The following MGAT5 variants were observed in gnomAD, a reference collection of about 807,000 sequenced individuals.
MGAT5 encodes alpha-1,6-mannosylglycoprotein 6-beta-N-acetylglucosaminyltransferase, also known as alpha-1,6-mannosylglycoprotein 6-beta-N-acetylglucosaminyltransferase A.
A neutral mutation model predicts 94.3 loss-of-function variants in MGAT5; 30 were observed. That is an observed-to-expected ratio of 0.32 (90% CI 0.24 to 0.43). The LOEUF (loss-of-function observed/expected upper bound fraction) is 0.43, where lower values mean the gene tolerates loss of function less well. MGAT5 is among the 20% of genes least tolerant of loss of function. The probability of loss-of-function intolerance (pLI) is 1.00; values close to 1 mark genes in which losing one functional copy is unlikely to be tolerated. For synonymous variants in MGAT5, 310 were observed against 322.9 expected (o/e 0.96, Z 0.43); for missense variants, 691 against 905.5 (o/e 0.76, Z 3.04).
chr2:134,382,322 A>C (rs150037657), intron 10 of MGAT5, among the ~76,000 whole-genome samples: 2 of 152,022 alleles, frequency 1.3e-5, no homozygotes, highest in Non-Finnish European at 1.5e-5. Context: ...TGACATTGTG[A>C]TAGAAGCTCC....
At chr2:134,287,308 C>T (rs1685071091) in intron 2 of MGAT5, among the ~76,000 whole-genome samples, 1 of 152,162 alleles carries the variant, frequency 6.6e-6, no homozygotes, top group Non-Finnish European at 1.5e-5. Flanking sequence ...CCTATTCTTG[C>T]TCTGATTTCA....
At chr2:134,388,461 C>T (rs1682171888) in intron 10 of MGAT5, among the ~76,000 whole-genome samples, 1 of 151,722 alleles carries the variant, frequency 6.6e-6, no homozygotes, top group African/African-American at 2.4e-5. Flanking sequence ...ACTGCTATTA[C>T]ACCTGAAAAT....
intron 10 of MGAT5, among the ~76,000 whole-genome samples, chr2:134,400,977 G>T (rs1683016089): frequency 6.6e-6 from 1 of 152,018 alleles, no homozygotes. Context: ...AACCACTGTG[G>T]GTGGGATAAG....
intron 9 of MGAT5, 142 bp from the exon 10 acceptor site, chr2:134,362,133 C>A: frequency 1.1e-6 from 1 of 940,600 alleles, no homozygotes; most frequent in Non-Finnish European, 1.6e-6. Flanking sequence ...GACAATCCCT[C>A]ACCTCCCTCA....
chr2:134,231,696 C>T (rs1210849988), intron 1 of MGAT5, among the ~76,000 whole-genome samples: 1 of 152,224 alleles, frequency 6.6e-6, no homozygotes, highest in African/African-American at 2.4e-5. Flanking sequence ...CCCTCTAGAA[C>T]CTGTGGGGAG....
chr2:134,367,614 GCT>G (rs754508926), intron 10 of MGAT5, among the ~76,000 whole-genome samples: 2 of 152,182 alleles, frequency 1.3e-5, no homozygotes, highest in Non-Finnish European at 2.9e-5. Context: ...AAGTAAACCA[GCT>G]CTCTCTCAGA....
chr2:134,363,431 A>G (rs1451617080), intron 10 of MGAT5, among the ~76,000 whole-genome samples: 5 of 152,236 alleles, frequency 3.3e-5, no homozygotes, highest in Non-Finnish European at 7.3e-5. Flanking sequence ...CCAGGGAGGC[A>G]GATTTAATTC....
At chr2:134,385,121 A>G (rs1681889835) in intron 10 of MGAT5, among the ~76,000 whole-genome samples, 1 of 152,192 alleles carries the variant, frequency 6.6e-6, no homozygotes, top group African/African-American at 2.4e-5. Flanking sequence ...GCTGTTATTG[A>G]TTCTACAAAA....
intron 5 of MGAT5, among the ~76,000 whole-genome samples, chr2:134,336,885 G>T (rs1688364648): frequency 6.6e-6 from 1 of 152,126 alleles, no homozygotes; most frequent in South Asian, 2.1e-4. Flanking sequence ...GAAAGTACTT[G>T]TTGCCACATT....
At chr2:134,334,489 G>T (rs1688214169) in intron 4 of MGAT5, among the ~76,000 whole-genome samples, 1 of 95,292 alleles carries the variant, frequency 1.0e-5, no homozygotes, top group African/African-American at 4.2e-5. Flanking sequence ...TACTTTCCTT[G>T]CTCATCCTTT....
intron 1 of MGAT5, among the ~76,000 whole-genome samples, chr2:134,222,508 A>G (rs1242027831): frequency 1.3e-5 from 2 of 152,298 alleles, no homozygotes; most frequent in Admixed American, 6.5e-5. Context: ...TTTCCAGCCA[A>G]TTTATCTCCA....
chr2:134,360,434 T>C (rs1002430098), intron 9 of MGAT5, among the ~76,000 whole-genome samples: 9 of 152,204 alleles, frequency 5.9e-5, no homozygotes, highest in Non-Finnish European at 1.3e-4. Context: ...ACCCATTGTT[T>C]CACTTGCTGG....
In MGAT5 at chr2:134,149,157, A is replaced by C. The variant is rs1573745394; in HGVS notation, c.-143+28866A>C. ...TGGATCCTATTTCCCTCTTTTAAGA[A>C]ATAGTGCAATGGGAAGGAAAGAACA... On this transcript the variant is annotated intron_variant, in intron 1 of 16. Transcript: ENST00000409645. Among the ~76,000 whole-genome samples, 4 of 152,272 alleles carry C rather than the reference A, an allele frequency of 2.6e-5. No individual in the cohort carries two copies. In the South Asian group the frequency reaches 8.3e-4, roughly 32 times the overall value.
In MGAT5 at chr2:134,412,999, A is replaced by G; in HGVS notation, c.1661A>G (p.Lys554Arg). Reference sequence around the variant, plus strand: ...AAAAACACAGACTTTTTCATTGGCAAGCCAACTCTGAGAGAGGTAAGCATC... The same window carrying G: ...AAAAACACAGACTTTTTCATTGGCAGGCCAACTCTGAGAGAGGTAAGCATC... ...SSKNTDFFIG[K>R]PTLRELTSQH... is the part of the protein sequence containing the mutation. Residue 554 changes from lysine to arginine, a missense_variant, in exon 12 of 16, where the codon AAG becomes AGG. Around this residue, in one of 4 missense-constraint regions of MGAT5, gnomAD observed 260 missense variants for 347.0 expected, o/e 0.75. Transcript: ENST00000281923. 1 of 1,614,188 alleles carries G rather than the reference A, an allele frequency of 6.2e-7. No homozygotes were observed. Among genetic ancestry groups the G allele is most frequent in the Non-Finnish European group, 8.5e-7 (1 of 1,180,000 alleles).
At chr2:134,218,896 C>T (rs1680621510) in intron 1 of MGAT5, among the ~76,000 whole-genome samples, 1 of 152,146 alleles carries the variant, frequency 6.6e-6, no homozygotes, top group Non-Finnish European at 1.5e-5. Flanking sequence ...GTTCCTTAAG[C>T]AATGCTTCAT....
intron 12 of MGAT5, among the ~76,000 whole-genome samples, chr2:134,413,402 G>A (rs1683780870): frequency 6.6e-6 from 1 of 152,210 alleles, no homozygotes; most frequent in African/African-American, 2.4e-5. Context: ...GGCTGTGGGA[G>A]TTTTCAAAGA....
At chr2:134,314,515 A>G (rs1686885338) in intron 2 of MGAT5, among the ~76,000 whole-genome samples, 1 of 152,074 alleles carries the variant, frequency 6.6e-6, no homozygotes, top group East Asian at 1.9e-4. Flanking sequence ...TAACCTTCCT[A>G]TAGGTTCCTC....
chr2:134,187,882 A>C (rs1365373273), intron 1 of MGAT5, among the ~76,000 whole-genome samples: 1 of 152,250 alleles, frequency 6.6e-6, no homozygotes, highest in Non-Finnish European at 1.5e-5. Context: ...AAAATGAAGA[A>C]GTATTGAACA....
rs560815412 is a variant in MGAT5, at chr2:134,340,739, T to C, written c.808-851T>C. Among the ~76,000 whole-genome samples the C allele has an allele frequency of 2.6e-5, 4 of 152,224 alleles. No individual in the cohort carries two copies. The East Asian group carries it at 5.8e-4, about 22-fold the overall frequency. On this transcript the variant is annotated intron_variant, in intron 6 of 15. Coordinates refer to ENST00000281923, the MANE Select transcript of MGAT5 (RefSeq NM_002410.5). ...TAAACAAAGAAGGAATGGTAAAATA[T>C]CATCATTTTGCAGTCCGTAATGGAT... is the stretch of plus-strand genomic sequence containing the variant.
Sources: allele counts gnomAD v4.1 joint callset (sites outside exome capture counted in the v4.1 genomes callset), GRCh38; gene constraint gnomAD v4.1.1; regional missense constraint gnomAD v4.1.1; transcripts MANE v1.5; gene names NCBI Gene and HGNC (gene_info 2026-07-23, HGNC 2026-07-21).